LDLRAD4: variants seen among roughly 807,000 people sequenced by gnomAD.
The protein encoded by LDLRAD4 is low density lipoprotein receptor class A domain containing 4, also known as low-density lipoprotein receptor class A domain-containing protein 4.
Under a neutral mutation model 17.0 loss-of-function variants are expected in LDLRAD4, and 5 were observed. That is an observed-to-expected ratio of 0.29 (90% CI 0.15 to 0.62). The LOEUF (loss-of-function observed/expected upper bound fraction) is 0.62. Ranked by LOEUF, LDLRAD4 falls within the 20% of genes least tolerant of loss-of-function variation. The probability of loss-of-function intolerance (pLI) is 0.84; values close to 1 mark genes in which losing one functional copy is unlikely to be tolerated. For missense variants in LDLRAD4, 340 were observed against 424.7 expected, an observed-to-expected ratio of 0.80 and a Z score of 1.75; for synonymous variants, 168 against 171.8, an observed-to-expected ratio of 0.98 and a Z score of 0.17.
At chr18:13,453,172 A>G (rs1350683682) in intron 3 of LDLRAD4, among the ~76,000 whole-genome samples, 2 of 152,164 alleles carry the variant, frequency 1.3e-5, no homozygotes, top group Admixed American at 6.5e-5. Context: ...TTGAAAACAG[A>G]TGATGGTGGA....
intron 3 of LDLRAD4, among the ~76,000 whole-genome samples, chr18:13,484,456 T>A (rs1303281613): frequency 1.3e-5 from 2 of 151,810 alleles, no homozygotes; most frequent in Non-Finnish European, 2.9e-5. Context: ...AGTAAAAAAA[T>A]AAAAAAATTA....
At chr18:13,293,622 C>T (rs1206973313) in intron 1 of LDLRAD4, among the ~76,000 whole-genome samples, 1 of 152,224 alleles carries the variant, frequency 6.6e-6, no homozygotes, top group Non-Finnish European at 1.5e-5. Flanking sequence ...ATCTCTGGTG[C>T]ATTTCTGGAT....
chr18:13,546,268 G>A (rs2094361150), intron 3 of LDLRAD4, among the ~76,000 whole-genome samples: 2 of 152,092 alleles, frequency 1.3e-5, no homozygotes, highest in South Asian at 2.1e-4. Flanking sequence ...CAGCTCTGCC[G>A]GGGAACCAGC....
intron 3 of LDLRAD4, among the ~76,000 whole-genome samples, chr18:13,493,800 A>G (rs1174892440): frequency 6.6e-6 from 1 of 152,128 alleles, no homozygotes; most frequent in Admixed American, 6.5e-5. Context: ...CAGCAGAGGG[A>G]GGCGGTCAAA....
chr18:13,565,793 G>A (rs918725129), intron 3 of LDLRAD4, among the ~76,000 whole-genome samples: 2 of 152,236 alleles, frequency 1.3e-5, no homozygotes, highest in African/African-American at 4.8e-5. Context: ...GTGTTTTGTA[G>A]CCTCTAGGAC....
intron 2 of LDLRAD4, among the ~76,000 whole-genome samples, chr18:13,418,266 C>T (rs1308944365): frequency 3.9e-5 from 6 of 152,234 alleles, no homozygotes; most frequent in Non-Finnish European, 8.8e-5. Context: ...TCTACACTGC[C>T]ACCCCTTCTG....
intron 1 of LDLRAD4, among the ~76,000 whole-genome samples, chr18:13,380,448 A>G (rs901151282): frequency 1.3e-5 from 2 of 151,802 alleles, no homozygotes; most frequent in East Asian, 1.9e-4. Context: ...TTCCTCCCAC[A>G]CTCATCTTCA....
chr18:13,550,548 G>A (rs1340121330), intron 3 of LDLRAD4, among the ~76,000 whole-genome samples: 1 of 152,212 alleles, frequency 6.6e-6, no homozygotes, highest in Non-Finnish European at 1.5e-5. Flanking sequence ...ATGAGAAGGC[G>A]TCCCTGAGGA....
At chr18:13,644,400 CA>C (rs5823265) in intron 5 of LDLRAD4, among the ~76,000 whole-genome samples, 20,907 of 58,612 alleles carry the variant, frequency 0.36, 3,082 homozygotes, top group African/African-American at 0.55. Flanking sequence ...AACCCCATCT[CA>C]AAAAAAAAAA....
Position 13,367,574 on chromosome 18 carries a change from C to T in LDLRAD4, c.-382-19767C>T, listed in dbSNP as rs537077433. Among the ~76,000 whole-genome samples, 227 of 152,252 alleles carry T rather than the reference C, an allele frequency of 1.5e-3. 2 individuals are homozygous for T. Among genetic ancestry groups the T allele is most frequent in the Non-Finnish European group, 2.4e-3 (161 of 68,022 alleles). ...GCAAGGCGGCTGTGGCAGTGCCAAG[C>T]GAGTGGACAGAGGGTCTGCAGGCCA... On this transcript the variant is annotated intron_variant, in intron 1 of 5. Coordinates refer to ENST00000359446, the Ensembl canonical transcript of LDLRAD4. The surrounding 1 kb of genome is among the most constrained non-coding windows in gnomAD (Gnocchi z 4.1).
At chr18:13,447,230 C>T (rs1220906211) in intron 3 of LDLRAD4, among the ~76,000 whole-genome samples, 1 of 148,078 alleles carries the variant, frequency 6.8e-6, no homozygotes, top group African/African-American at 2.5e-5. Flanking sequence ...GGGCAATATG[C>T]CTCTCTCTGG....
chr18:13,302,293 AT>A (rs2146590433), intron 1 of LDLRAD4, among the ~76,000 whole-genome samples: 1 of 152,302 alleles, frequency 6.6e-6, no homozygotes, highest in East Asian at 1.9e-4. Flanking sequence ...CCATCACAAG[AT>A]TAGTGGTTTT....
intron 1 of LDLRAD4, among the ~76,000 whole-genome samples, chr18:13,352,708 A>G (rs1289451556): frequency 1.3e-5 from 2 of 152,010 alleles, no homozygotes; most frequent in Non-Finnish European, 2.9e-5. Flanking sequence ...AATTCTCGTA[A>G]CATGTATACT....
intron 3 of LDLRAD4, among the ~76,000 whole-genome samples, chr18:13,441,079 G>A (rs1285864728): frequency 6.6e-6 from 1 of 152,220 alleles, no homozygotes; most frequent in Non-Finnish European, 1.5e-5. Context: ...GCAGGTGGTG[G>A]TTTCTCTGTC....
In LDLRAD4 at chr18:13,645,307, C is replaced by T. The variant is rs981718915; in HGVS notation, c.571C>T (p.Leu191Phe). ...TTACCAGGGGCCCTGCACCCTGCAG[C>T]TCCGGGACCCTGAACAGCAGATGGA... The change falls in exon 6 of 6, where the codon CTC becomes TTC. Residue 191 changes from leucine to phenylalanine, a missense_variant. Leu to Phe is a conservative substitution (Grantham distance 22). Transcript: ENST00000359446. This position sits in a 1 kb window ranked among gnomAD's most constrained non-coding sequence, Gnocchi z 5.7. 9 of 1,614,192 alleles carry T rather than the reference C, an allele frequency of 5.6e-6. No homozygotes were observed. Among genetic ancestry groups the T allele is most frequent in the Non-Finnish European group, 7.6e-6 (9 of 1,180,012 alleles).
At chr18:13,410,701 A>G (rs992390319) in intron 2 of LDLRAD4, among the ~76,000 whole-genome samples, 1 of 152,246 alleles carries the variant, frequency 6.6e-6, no homozygotes, top group African/African-American at 2.4e-5. Context: ...TGATTAGGCT[A>G]ACAATCTAAG....
Position 13,504,820 on chromosome 18 carries a change from C to T in LDLRAD4, c.181+66436C>T, listed in dbSNP as rs190086843. Among the ~76,000 whole-genome samples the T allele has an allele frequency of 4.6e-5, 7 of 152,316 alleles. No homozygotes were observed. The East Asian group carries it at 7.7e-4, about 17-fold the overall frequency. On this transcript the variant is annotated intron_variant, in intron 3 of 5. Transcript: ENST00000359446. ...CAGCTGTTGGTTGATAACCCTGTGC[C>T]GCCATTCCCACAGACATGCCCCACT...
chr18:13,391,077 T>C (rs1352743319), intron 2 of LDLRAD4, among the ~76,000 whole-genome samples: 2 of 152,226 alleles, frequency 1.3e-5, no homozygotes, highest in East Asian at 1.9e-4. Context: ...TTGCTGTTCT[T>C]AAAATTTTGG....
At chr18:13,236,268 CT>C (rs1397888909) in intron 1 of LDLRAD4, among the ~76,000 whole-genome samples, 6 of 150,794 alleles carry the variant, frequency 4.0e-5, no homozygotes, top group African/African-American at 1.5e-4. Flanking sequence ...TCTTTTCCCC[CT>C]GGAACCATCA....
Sources: gnomAD v4.1 joint callset for allele counts (sites outside exome capture counted in the v4.1 genomes callset) on GRCh38, gnomAD v4.1.1 for gene constraint, Gnocchi (gnomAD v3.1) non-coding constraint, MANE v1.5 for transcripts, NCBI Gene and HGNC (gene_info 2026-07-23, HGNC 2026-07-21) for gene names.